SOS1: variants seen among roughly 807,000 people sequenced by gnomAD.
The protein encoded by SOS1 is SOS Ras/Rac guanine nucleotide exchange factor 1.
A neutral mutation model predicts 157.6 loss-of-function variants in SOS1; 25 were observed. The observed-to-expected ratio is 0.16, with a 90% CI of 0.12 to 0.22. SOS1 has a LOEUF of 0.22. SOS1 is among the 10% of genes least tolerant of loss of function. The pLI is 1.00. For synonymous variants in SOS1, 528 were observed against 534.0 expected (o/e 0.99, Z 0.16); for missense variants, 1,237 against 1,599.1 (o/e 0.77, Z 3.86).
intron 2 of SOS1, among the ~76,000 whole-genome samples, chr2:39,067,381 T>G (rs770194084): frequency 3.2e-4 from 48 of 152,094 alleles, no homozygotes; most frequent in Admixed American, 1.2e-3. Context: ...GTTTTTGGAT[T>G]TGGGATGCTC....
intron 8 of SOS1, among the ~76,000 whole-genome samples, chr2:39,033,277 T>C (rs1046274280): frequency 2.7e-5 from 4 of 150,444 alleles, no homozygotes; most frequent in Non-Finnish European, 5.9e-5. Context: ...CAAAATTTCC[T>C]GCCCAATATA....
At chr2:39,010,012 C>G (rs1191077222) in intron 15 of SOS1, among the ~76,000 whole-genome samples, 1 of 152,038 alleles carries the variant, frequency 6.6e-6, no homozygotes, top group African/African-American at 2.4e-5. Flanking sequence ...AGACATGAGA[C>G]ATATAGAAAT....
rs1160762647 is a variant in SOS1 at position 39,012,205 on chromosome 2, T to C, written c.2311A>G (p.Ile771Val). The C allele has an allele frequency of 1.2e-6, 2 of 1,613,862 alleles. No homozygotes were observed. Among genetic ancestry groups the C allele is most frequent in the Admixed American group, 1.7e-5 (1 of 60,004 alleles). Reference protein sequence around the residue: ...VEWHISRPGHIETFDLLTLHP... With the variant: ...VEWHISRPGHVETFDLLTLHP... The stretch of plus-strand genomic sequence containing the variant: ...AAGGTGAGCAGGTCAAAAGTCTCTA[T>C]GTGCCCAGGTCTGCTTATATGCCAC... Residue 771 changes from isoleucine to valine, a missense_variant, in exon 14 of 23, where the codon ATA becomes GTA. Coordinates refer to ENST00000402219, the MANE Select transcript of SOS1 (RefSeq NM_005633.4).
intron 8 of SOS1, among the ~76,000 whole-genome samples, chr2:39,028,204 G>A (rs570375013): frequency 1.1e-4 from 16 of 152,198 alleles, no homozygotes; most frequent in East Asian, 3.9e-4. Flanking sequence ...TACCAGTGAC[G>A]AATTTTTTTG....
At chr2:39,119,029 T>A (rs190325799) in intron 1 of SOS1, among the ~76,000 whole-genome samples, 65 of 152,320 alleles carry the variant, frequency 4.3e-4, no homozygotes, top group African/African-American at 1.6e-3. Context: ...ACAATTTCCG[T>A]GTCTCCCCTT....
At chr2:39,109,027 C>T (rs1281978769) in intron 1 of SOS1, among the ~76,000 whole-genome samples, 2 of 151,926 alleles carry the variant, frequency 1.3e-5, no homozygotes, top group African/African-American at 2.4e-5. Flanking sequence ...GGTGAAACCC[C>T]GTCTCTACCA....
rs1420440549 is a variant in SOS1 at position 39,019,744 on chromosome 2, AAAT to A, written c.1858+2823_1858+2825del. Among the ~76,000 whole-genome samples the A allele has an allele frequency of 3.3e-5, 5 of 151,722 alleles. No individual in the cohort carries two copies. In the South Asian group the frequency reaches 6.2e-4, roughly 19 times the overall value. On this transcript the variant is annotated intron_variant, in intron 10 of 22. Transcript: ENST00000402219. ...ATAATTGGGTTTTGTAAAAAAATAA[AAAT>A]AATAATAATGACCAGTATCTATACA... is the stretch of plus-strand genomic sequence containing the variant.
chr2:39,012,051 G>C, intron 14 of SOS1, 75 bp downstream of exon 14: 1 of 1,085,886 alleles, frequency 9.2e-7, no homozygotes, highest in Non-Finnish European at 1.4e-6. Context: ...AACCCTATAA[G>C]GCAGAAATCA....
chr2:39,058,519 A>G (rs565220895), intron 3 of SOS1, among the ~76,000 whole-genome samples, 154 bp downstream of exon 3: 77 of 152,184 alleles, frequency 5.1e-4, no homozygotes, highest in Non-Finnish European at 1.0e-3. Flanking sequence ...TTATCATAGC[A>G]TCCCTTCTCA....
chr2:39,071,029 A>AT (rs1221110667), intron 1 of SOS1, among the ~76,000 whole-genome samples: 1 of 150,990 alleles, frequency 6.6e-6, no homozygotes, highest in Middle Eastern at 3.2e-3. Context: ...CGTTGGGCTA[A>AT]TTTTTTTTTA....
intron 8 of SOS1, among the ~76,000 whole-genome samples, chr2:39,033,377 C>T (rs1041516131): frequency 3.9e-5 from 6 of 152,082 alleles, no homozygotes; most frequent in African/African-American, 1.4e-4. Flanking sequence ...CTAAATGATG[C>T]ACTTATTAAA....
At chr2:39,052,786 C>A (rs540991373) in intron 5 of SOS1, among the ~76,000 whole-genome samples, 18 of 152,254 alleles carry the variant, frequency 1.2e-4, no homozygotes, top group African/African-American at 4.3e-4. Flanking sequence ...GACATGTTTT[C>A]ATTTCTTCTG....
chr2:38,988,029 A>T (rs1355511193), intron 21 of SOS1, among the ~76,000 whole-genome samples: 1 of 152,028 alleles, frequency 6.6e-6, no homozygotes, highest in African/African-American at 2.4e-5. Context: ...CTGGGAGTAG[A>T]GTGTGTGCTC....
chr2:38,997,553 T>C, intron 17 of SOS1, 128 bp from the exon 18 acceptor site: 1 of 608,070 alleles, frequency 1.6e-6, no homozygotes, highest in South Asian at 2.3e-5. Context: ...AAGGCTCAGA[T>C]TTCCATGATA....
chr2:38,999,744 T>G (rs867166703), intron 17 of SOS1, among the ~76,000 whole-genome samples: 30 of 152,336 alleles, frequency 2.0e-4, no homozygotes, highest in African/African-American at 6.3e-4. Context: ...GCAGCCCAAA[T>G]CAACCTTCCA....
intron 1 of SOS1, among the ~76,000 whole-genome samples, chr2:39,081,834 CAT>C (rs1304994125): frequency 2.0e-5 from 3 of 151,908 alleles, no homozygotes; most frequent in African/African-American, 7.3e-5. Flanking sequence ...AAAGAATGTT[CAT>C]AGTTATTAAA....
intron 11 of SOS1, among the ~76,000 whole-genome samples, chr2:39,014,428 T>C (rs973283956): frequency 1.3e-5 from 2 of 152,100 alleles, no homozygotes; most frequent in East Asian, 3.8e-4. Flanking sequence ...ACAAGTTCCA[T>C]TTTACTCAAC....
At chr2:39,031,306 C>A (rs1057451215) in intron 8 of SOS1, among the ~76,000 whole-genome samples, 1 of 152,142 alleles carries the variant, frequency 6.6e-6, no homozygotes, top group African/African-American at 2.4e-5. Context: ...TCAAAGTCAT[C>A]CTGGATGGTT....
At position 38,984,617 on chromosome 2, in the gene SOS1, C is replaced by T. The variant is rs932860412; in HGVS notation, c.*1207G>A. On this transcript the variant is annotated 3_prime_UTR_variant, in exon 23 of 23. Coordinates refer to ENST00000402219, the MANE Select transcript of SOS1 (RefSeq NM_005633.4). Reference sequence around the variant, plus strand: ...AATACATATATCCAGAACTAGAAACCAAGGCGTACCACAAAACGTGCTTTT... The same window carrying T: ...AATACATATATCCAGAACTAGAAACTAAGGCGTACCACAAAACGTGCTTTT... The T allele has an allele frequency of 6.6e-6, 1 of 152,098 alleles. No individual in the cohort carries two copies. Among genetic ancestry groups the T allele is most frequent in the Non-Finnish European group, 1.5e-5 (1 of 68,004 alleles). The allele number at this position is 152,098 out of a possible 1,614,324, so 9.4% of individuals were successfully genotyped here.
Sources: allele counts gnomAD v4.1 joint callset (sites outside exome capture counted in the v4.1 genomes callset), GRCh38; gene constraint gnomAD v4.1.1; transcripts MANE v1.5; gene names NCBI Gene and HGNC (gene_info 2026-07-23, HGNC 2026-07-21).